The following FREM3 variants were observed in gnomAD, a reference collection of about 807,000 sequenced individuals.
FREM3 encodes the protein FRAS1-related extracellular matrix protein 3.
In FREM3, 105 loss-of-function variants were observed where a neutral mutation model predicts 129.1. That is an observed-to-expected ratio of 0.81 (90% CI 0.69 to 0.96). The LOEUF (loss-of-function observed/expected upper bound fraction) is 0.96. Ranked by LOEUF, FREM3 falls within the 40% of genes least tolerant of loss-of-function variation. The pLI is 0.00. For missense variants in FREM3, 2,593 were observed against 2,666.3 expected, an observed-to-expected ratio of 0.97 and a Z score of 0.61; for synonymous variants, 1,014 against 1,044.9, an observed-to-expected ratio of 0.97 and a Z score of 0.57.
intron 2 of FREM3, among the ~76,000 whole-genome samples, chr4:143,645,656 C>T (rs1031378446): frequency 2.0e-5 from 3 of 152,224 alleles, no homozygotes; most frequent in African/African-American, 7.2e-5. Context: ...CAACTCTTAA[C>T]TGAATTTCCA....
chr4:143,693,053 C>T, intron 2 of FREM3, 60 bp downstream of exon 2: 4 of 858,742 alleles, frequency 4.7e-6, no homozygotes, highest in South Asian at 2.0e-5. Flanking sequence ...AATTTTTTTT[C>T]CAATTTTATG....
chr4:143,674,805 A>C (rs1385279074), intron 2 of FREM3, among the ~76,000 whole-genome samples: 1 of 152,230 alleles, frequency 6.6e-6, no homozygotes, highest in African/African-American at 2.4e-5. Context: ...AGGCCACTAC[A>C]TAATGGTAAA....
At chr4:143,614,969 G>T (rs1383204663) in intron 5 of FREM3, among the ~76,000 whole-genome samples, 2 of 152,024 alleles carry the variant, frequency 1.3e-5, no homozygotes, top group Admixed American at 1.3e-4. Context: ...CACCTCACTG[G>T]CAGCCTGAGA....
At chr4:143,631,375 G>A (rs548559448) in intron 2 of FREM3, among the ~76,000 whole-genome samples, 1 of 151,762 alleles carries the variant, frequency 6.6e-6, no homozygotes, top group Non-Finnish European at 1.5e-5. Context: ...ACAGAGTCTT[G>A]CTTTGTCACC....
At chr4:143,674,373 C>A (rs558119668) in intron 2 of FREM3, among the ~76,000 whole-genome samples, 166 of 152,264 alleles carry the variant, frequency 1.1e-3, no homozygotes, top group African/African-American at 3.9e-3. Context: ...GCCTGCCCTA[C>A]AAGAGCTCCT....
intron 2 of FREM3, among the ~76,000 whole-genome samples, chr4:143,640,624 C>T (rs936290182): frequency 3.3e-5 from 5 of 152,056 alleles, no homozygotes; most frequent in East Asian, 1.9e-4. Flanking sequence ...GAGCTGAGAT[C>T]GTGCCATTGC....
rs1390594965 is a variant in FREM3, at chr4:143,621,119, C to G, written c.5697G>C (p.Glu1899Asp). 2.6e-6 allele frequency: 4 copies of G among 1,536,998 alleles called. No individual in the cohort carries two copies. In the South Asian group the frequency reaches 4.8e-5, roughly 18 times the overall value. The change falls in exon 5 of 8, where the codon GAG (glutamate) becomes GAC (aspartate). Residue 1899 changes from glutamate (E) to aspartate (D), a missense_variant. Around this residue, in one of 2 missense-constraint regions of FREM3, gnomAD observed 317 missense variants for 399.0 expected, o/e 0.79. Coordinates refer to ENST00000329798, the MANE Select transcript of FREM3 (RefSeq NM_001168235.2). ...YIPEAEYKIE[E>D]DIGELLIPVR... ...CTGGAATCAAAAGTTCCCCAATGTC[C>G]TCTTCTATTTTGTATTCCGCCTCTG...
Position 143,597,303 on chromosome 4 carries a change from T to C in FREM3, c.6029-11310A>G, listed in dbSNP as rs1488937987. On this transcript the variant is annotated intron_variant, in intron 6 of 7. Transcript: ENST00000329798. ...CAGAAAGATACATGTAAGCCAACAG[T>C]GGACGTCAACGGCAAAAACCCAAAA... Among the ~76,000 whole-genome samples the C allele has an allele frequency of 2.0e-5, 3 of 152,178 alleles. No homozygotes were observed. In the South Asian group the frequency reaches 6.2e-4, roughly 32 times the overall value.
Position 143,699,067 on chromosome 4 carries a change from GGATGGT to G in FREM3, c.1603_1608del (p.Thr535_Ile536del). ...ATTGGTGGTTCATCATCCACAGGTA[GGATGGT>G]GAGGGGAAAGAGGAAGTCCACTTGG... On this transcript the variant is annotated inframe_deletion, in exon 1 of 8. Transcript: ENST00000329798. This position sits in a 1 kb window ranked among gnomAD's most constrained non-coding sequence, Gnocchi z 4.2. 6.5e-7 allele frequency: 1 copy of G among 1,537,480 alleles called. No homozygotes were observed. The highest frequency in any genetic ancestry group is 8.7e-7 in the Non-Finnish European group (1 of 1,146,956).
intron 4 of FREM3, 116 bp from the exon 5 acceptor site, chr4:143,621,278 A>T: frequency 1.1e-6 from 1 of 935,216 alleles, no homozygotes; most frequent in East Asian, 2.6e-5. Flanking sequence ...AACATGATTA[A>T]CTGTATTAAA....
In FREM3 at chr4:143,697,753, T is replaced by C; in HGVS notation, c.2923A>G (p.Lys975Glu). The C allele has an allele frequency of 6.5e-7, 1 of 1,537,626 alleles. No homozygotes were observed. The highest frequency in any genetic ancestry group is 2.4e-5 in the East Asian group (1 of 40,918). ...TEITMGVIHGKRKDVGDLMLS... is the reference protein window; with the variant it reads ...TEITMGVIHGERKDVGDLMLS... ...ATCAAGTCACCTACATCCTTCCTTT[T>C]GCCATGGATGACACCCATGGTAATT... The change falls in exon 1 of 8, where the codon AAA (lysine) becomes GAA (glutamate). Residue 975 changes from lysine to glutamate, a missense_variant. Physicochemically the swap from Lys to Glu is moderately conservative, Grantham distance 56 (BLOSUM62 1). Around this residue, in one of 2 missense-constraint regions of FREM3, gnomAD observed 2,276 missense variants for 2,267.2 expected, o/e 1.00. Transcript: ENST00000329798.
rs1357206714 is a variant in FREM3 at position 143,624,088 on chromosome 4, A to G, written c.5653+20T>C. Reference sequence around the variant, plus strand: ...AGAACCTGTACTGGTTAATAAAGCAAATCAATCAGTGTCACATACCATCTC... The same window carrying G: ...AGAACCTGTACTGGTTAATAAAGCAGATCAATCAGTGTCACATACCATCTC... On this transcript the variant is annotated intron_variant, in intron 4 of 7. Transcript: ENST00000329798. The G allele has an allele frequency of 1.4e-6, 2 of 1,380,118 alleles. No individual in the cohort carries two copies. The highest frequency in any genetic ancestry group is 2.0e-6 in the Non-Finnish European group (2 of 1,003,794). The allele number at this position is 1,380,118 out of a possible 1,614,324, so 85.5% of individuals were successfully genotyped here.
intron 2 of FREM3, among the ~76,000 whole-genome samples, chr4:143,680,335 G>A (rs1264905014): frequency 2.6e-5 from 4 of 151,278 alleles, no homozygotes; most frequent in African/African-American, 9.7e-5. Flanking sequence ...TTTACACACT[G>A]TTTTCCACTT....
chr4:143,641,580 A>T (rs1187815192), intron 2 of FREM3, among the ~76,000 whole-genome samples: 1 of 152,226 alleles, frequency 6.6e-6, no homozygotes, highest in African/African-American at 2.4e-5. Context: ...TTGTTAGTCC[A>T]CACATTGCAA....
At position 143,699,463 on chromosome 4, in the gene FREM3, C is replaced by G; in HGVS notation, c.1213G>C (p.Glu405Gln). 1 of 1,537,312 alleles carries G rather than the reference C, an allele frequency of 6.5e-7. No homozygotes were observed. The highest frequency in any genetic ancestry group is 8.7e-7 in the Non-Finnish European group (1 of 1,146,922). ...NSHGERLFQL[E>Q]LEVVDGDGAA... is the part of the protein sequence containing the mutation. ...CCGTCTCCGTCCACCACCTCCAGCT[C>G]CAGCTGAAAGAGGCGCTCCCCATGG... is the stretch of plus-strand genomic sequence containing the variant. The change falls in exon 1 of 8, where the codon GAG becomes CAG. Residue 405 changes from glutamate (E) to glutamine (Q), a missense_variant. By Grantham distance (29) the Glu-to-Gln change is conservative. This residue lies in a region of FREM3 where 2,276 missense variants were observed against 2,267.2 expected (regional missense o/e 1.00). Coordinates refer to ENST00000329798, the MANE Select transcript of FREM3 (RefSeq NM_001168235.2). The surrounding 1 kb of genome is among the most constrained non-coding windows in gnomAD (Gnocchi z 4.2).
rs150219995 is a variant in FREM3 at position 143,594,611 on chromosome 4, C to T, written c.6029-8618G>A. On this transcript the variant is annotated intron_variant, in intron 6 of 7. Transcript: ENST00000329798. ...TTAGCAGAGGAATTATATTGTGTGGCATTGGGGAAGGGCAAGAAGTGAGAA... is the reference window on the plus strand; with the variant it reads ...TTAGCAGAGGAATTATATTGTGTGGTATTGGGGAAGGGCAAGAAGTGAGAA... Among the ~76,000 whole-genome samples the T allele has an allele frequency of 5.3e-3, 813 of 152,164 alleles. 5 individuals carry two copies. Among genetic ancestry groups the T allele is most frequent in the African/African-American group, 0.019 (774 of 41,470 alleles).
intron 2 of FREM3, among the ~76,000 whole-genome samples, chr4:143,658,697 A>T (rs1739643429): frequency 6.6e-6 from 1 of 152,210 alleles, no homozygotes; most frequent in Non-Finnish European, 1.5e-5. Flanking sequence ...CTTTCTTAAA[A>T]CATTATGAGA....
intron 2 of FREM3, among the ~76,000 whole-genome samples, chr4:143,685,907 A>C (rs1024853041): frequency 7.2e-5 from 11 of 152,262 alleles, no homozygotes; most frequent in African/African-American, 2.6e-4. Flanking sequence ...AGAAATACCT[A>C]ATGTAGATGA....
intron 2 of FREM3, among the ~76,000 whole-genome samples, chr4:143,652,693 G>A (rs1193013939): frequency 6.6e-6 from 1 of 152,118 alleles, no homozygotes; most frequent in South Asian, 2.1e-4. Flanking sequence ...AGTACAGTGC[G>A]ATCTCAGCTC....
Sources: gnomAD v4.1 joint callset for allele counts (sites outside exome capture counted in the v4.1 genomes callset) on GRCh38, gnomAD v4.1.1 for gene constraint, gnomAD v4.1.1 regional missense constraint, Gnocchi (gnomAD v3.1) non-coding constraint, MANE v1.5 for transcripts, NCBI Gene and HGNC (gene_info 2026-07-23, HGNC 2026-07-21) for gene names.